S100Z: variants seen among roughly 807,000 people sequenced by gnomAD.
The protein encoded by S100Z is S100 calcium binding protein Z.
In S100Z, 11 loss-of-function variants were observed where a neutral mutation model predicts 8.5. That is an observed-to-expected ratio of 1.30 (90% CI 0.82 to 2.15). The LOEUF (loss-of-function observed/expected upper bound fraction) is 2.15. Ranked by LOEUF, S100Z falls within the 30% of genes most tolerant of loss-of-function variation. The probability of loss-of-function intolerance (pLI) is 0.00; values close to 1 mark genes in which losing one functional copy is unlikely to be tolerated. For synonymous variants in S100Z, 34 were observed against 43.8 expected, an observed-to-expected ratio of 0.78 and a Z score of 0.89; for missense variants, 126 against 117.9, an observed-to-expected ratio of 1.07 and a Z score of -0.32.
chr5:76,858,144 G>A (rs1372507676), intron 1 of S100Z, among the ~76,000 whole-genome samples: 1 of 152,166 alleles, frequency 6.6e-6, no homozygotes, highest in African/African-American at 2.4e-5. Context: ...GAGTGCAAGG[G>A]ATTCCACCAC....
intron 4 of S100Z, among the ~76,000 whole-genome samples, chr5:76,919,522 CCCTT>C (rs1561253540): frequency 1.5e-5 from 2 of 132,864 alleles, no homozygotes; most frequent in South Asian, 2.4e-4. Context: ...CTCTTCTTCT[CCCTT>C]CCTCCCTCCC....
chr5:76,911,428 C>T (rs181796530), intron 4 of S100Z, among the ~76,000 whole-genome samples: 2 of 152,320 alleles, frequency 1.3e-5, no homozygotes, highest in East Asian at 3.9e-4. Flanking sequence ...TTCTGGACCT[C>T]AAGGATGCCT....
At chr5:76,858,223 G>A (rs947357732) in intron 1 of S100Z, among the ~76,000 whole-genome samples, 4 of 152,128 alleles carry the variant, frequency 2.6e-5, no homozygotes, top group Non-Finnish European at 5.9e-5. Context: ...TAGGGAACAT[G>A]TCAAGAATGA....
intron 4 of S100Z, among the ~76,000 whole-genome samples, chr5:76,887,064 G>C (rs941960034): frequency 4.6e-5 from 7 of 151,634 alleles, no homozygotes; most frequent in Admixed American, 3.9e-4. Flanking sequence ...GTTGGGTTTT[G>C]GTTACAAAAG....
At chr5:76,940,422 C>CT in the S100Z span, among the ~76,000 whole-genome samples, 40 of 132,420 alleles carry the variant, frequency 3.0e-4, no homozygotes, top group Non-Finnish European at 1.2e-4. Context: ...TTTTTTTTTT[C>CT]TTTTTTTTGA....
At chr5:76,857,610 T>C (rs1043532904) in intron 1 of S100Z, among the ~76,000 whole-genome samples, 4 of 151,528 alleles carry the variant, frequency 2.6e-5, no homozygotes, top group Admixed American at 2.6e-4. Context: ...GCAATTCTCA[T>C]GCCTCAGCCA....
chr5:76,915,068 G>T (rs767088815), intron 4 of S100Z, among the ~76,000 whole-genome samples: 4 of 152,192 alleles, frequency 2.6e-5, no homozygotes. Context: ...CACTTTGGGA[G>T]GTCGAGGCAG....
chr5:76,927,172 A>G, the S100Z span, among the ~76,000 whole-genome samples: 2 of 152,238 alleles, frequency 1.3e-5, no homozygotes. Context: ...GGGAGGCCCT[A>G]AAACAAGTCA....
intron 4 of S100Z, among the ~76,000 whole-genome samples, chr5:76,910,560 C>T (rs895010367): frequency 5.3e-5 from 8 of 152,156 alleles, no homozygotes; most frequent in African/African-American, 7.2e-5. Flanking sequence ...GATTGTCCAA[C>T]GAGAAACAAG....
At chr5:76,892,992 A>G (rs937902474) in intron 4 of S100Z, among the ~76,000 whole-genome samples, 4 of 152,146 alleles carry the variant, frequency 2.6e-5, no homozygotes, top group Admixed American at 2.0e-4. Flanking sequence ...GGGGCCCACA[A>G]GGAATTTCCA....
chr5:76,858,980 A>G (rs1750968316), intron 1 of S100Z, among the ~76,000 whole-genome samples: 2 of 152,018 alleles, frequency 1.3e-5, no homozygotes, highest in South Asian at 2.1e-4. Context: ...CAGGCATGAG[A>G]GTGCACGCCT....
intron 4 of S100Z, among the ~76,000 whole-genome samples, chr5:76,879,054 G>C (rs989306888): frequency 6.6e-5 from 10 of 152,164 alleles, no homozygotes; most frequent in Non-Finnish European, 7.3e-5. Context: ...CAGCCGGTGT[G>C]GGGCTTGTAA....
intron 4 of S100Z, among the ~76,000 whole-genome samples, chr5:76,891,228 A>C (rs1316870173): frequency 6.6e-6 from 1 of 152,214 alleles, no homozygotes; most frequent in Non-Finnish European, 1.5e-5. Flanking sequence ...TAAAAATTTT[A>C]CATCTTAAAA....
At chr5:76,945,254 C>T in the S100Z span, among the ~76,000 whole-genome samples, 2 of 152,174 alleles carry the variant, frequency 1.3e-5, no homozygotes, top group Non-Finnish European at 2.9e-5. Context: ...CGGAAAGCTG[C>T]AGGGACCTCT....
chr5:76,910,674 A>G (rs1389910487), intron 4 of S100Z, among the ~76,000 whole-genome samples: 2 of 152,228 alleles, frequency 1.3e-5, no homozygotes, highest in Non-Finnish European at 2.9e-5. Context: ...CAGATGATCC[A>G]GCAACAGGAC....
intron 4 of S100Z, among the ~76,000 whole-genome samples, chr5:76,920,466 A>G (rs538666395): frequency 1.3e-5 from 2 of 152,312 alleles, no homozygotes; most frequent in Admixed American, 1.3e-4. Context: ...GCATAATGGT[A>G]TACACAATGC....
chr5:76,864,536 T>C (rs1444184935), intron 1 of S100Z, among the ~76,000 whole-genome samples: 2 of 146,272 alleles, frequency 1.4e-5, no homozygotes, highest in Non-Finnish European at 3.0e-5. Flanking sequence ...CAGAGGCAGG[T>C]GGAACCACAG....
intron 4 of S100Z, among the ~76,000 whole-genome samples, chr5:76,897,479 AT>A (rs1262553111): frequency 1.6e-5 from 2 of 122,054 alleles, no homozygotes; most frequent in South Asian, 2.1e-4. Context: ...AAATAAAAAA[AT>A]AAATAAATTT....
intron 1 of S100Z, among the ~76,000 whole-genome samples, chr5:76,864,261 T>C (rs1751180382): frequency 1.3e-5 from 2 of 152,242 alleles, no homozygotes; most frequent in South Asian, 4.1e-4. Flanking sequence ...AATACTTACA[T>C]GTCTGGGGCG....
Sources: allele counts gnomAD v4.1 joint callset (sites outside exome capture counted in the v4.1 genomes callset), GRCh38; gene constraint gnomAD v4.1.1; transcripts MANE v1.5; gene names NCBI Gene and HGNC (gene_info 2026-07-23, HGNC 2026-07-21).